Variants in CSMD1 observed in about 807,000 individuals in gnomAD.
The protein encoded by CSMD1 is CUB and sushi domain-containing protein 1.
CSMD1 carries 213 observed loss-of-function variants against 417.5 expected under a neutral mutation model. That is an observed-to-expected ratio of 0.51 (90% CI 0.46 to 0.57). The LOEUF (loss-of-function observed/expected upper bound fraction) is 0.57. CSMD1 is among the 20% of genes least tolerant of loss of function. CSMD1 has a pLI of 0.00. For missense variants in CSMD1, 6,923 were observed against 4,529.7 expected (o/e 1.53, Z -15.17); for synonymous variants, 2,862 against 1,736.8 (o/e 1.65, Z -16.11).
chr8:4,699,675 C>T (rs1428791020), intron 1 of CSMD1, among the ~76,000 whole-genome samples: 1 of 152,188 alleles, frequency 6.6e-6, no homozygotes, highest in Non-Finnish European at 1.5e-5. Context: ...ACAATGTCAT[C>T]ATCCGTACAT....
chr8:4,721,495 A>C (rs1035881755), intron 1 of CSMD1, among the ~76,000 whole-genome samples: 7 of 152,204 alleles, frequency 4.6e-5, no homozygotes, highest in Non-Finnish European at 1.0e-4. Context: ...AGGGATATAC[A>C]AATCAAAACT....
intron 3 of CSMD1, among the ~76,000 whole-genome samples, chr8:4,273,203 C>T (rs1025925590): frequency 2.6e-5 from 4 of 152,128 alleles, no homozygotes; most frequent in African/African-American, 7.2e-5. Flanking sequence ...GAAGAATATA[C>T]ACTTGAATGA....
chr8:3,771,910 G>GA (rs1162940596), intron 5 of CSMD1, among the ~76,000 whole-genome samples: 1 of 151,862 alleles, frequency 6.6e-6, no homozygotes, highest in Non-Finnish European at 1.5e-5. Context: ...ATGAGCAGGA[G>GA]AAAAATAGCC....
chr8:3,069,479 T>C (rs188330442), intron 49 of CSMD1, among the ~76,000 whole-genome samples: 109 of 151,882 alleles, frequency 7.2e-4, no homozygotes, highest in African/African-American at 2.5e-3. Context: ...ACATGCCCCA[T>C]TCAAGTTTGA....
rs776301288 is a variant in CSMD1 at position 4,518,273 on chromosome 8, G to A, written c.303-98208C>T. Among the ~76,000 whole-genome samples the A allele has an allele frequency of 3.9e-5, 6 of 151,994 alleles. No homozygotes were observed. In the East Asian group the frequency reaches 7.7e-4, roughly 20 times the overall value. On this transcript the variant is annotated intron_variant, in intron 2 of 69. Coordinates refer to ENST00000635120, the MANE Select transcript of CSMD1 (RefSeq NM_033225.6). ...CCACAGACACAAAACAGCAGCATCC[G>A]ACGCCCAGCAGCAGCAGCAGAGTGA...
chr8:3,475,286 CTG>C (rs1442324552), intron 11 of CSMD1, among the ~76,000 whole-genome samples: 1 of 151,952 alleles, frequency 6.6e-6, no homozygotes, highest in East Asian at 1.9e-4. Flanking sequence ...TCTGAGCTCT[CTG>C]GGTGCAATTT....
chr8:3,585,779 T>C lies in CSMD1; in HGVS notation c.1222+357A>G, dbSNP rs1232979944. Among the ~76,000 whole-genome samples the C allele has an allele frequency of 5.9e-5, 9 of 152,300 alleles. No individual in the cohort carries two copies. The South Asian group carries it at 1.7e-3, about 28-fold the overall frequency. On this transcript the variant is annotated intron_variant, in intron 9 of 69. Coordinates refer to ENST00000635120, the MANE Select transcript of CSMD1 (RefSeq NM_033225.6). ...CCTCACTGCAATAGGAAAGTGAACA[T>C]TTTTAGGTTTGCGGGGTGCACAGAA... is the stretch of plus-strand genomic sequence containing the variant.
chr8:4,066,582 G>C (rs914154802), intron 3 of CSMD1, among the ~76,000 whole-genome samples: 1 of 152,154 alleles, frequency 6.6e-6, no homozygotes. Flanking sequence ...GGTAATTGTA[G>C]TTCACGTGAT....
At chr8:3,937,112 G>A (rs1810550560) in intron 5 of CSMD1, among the ~76,000 whole-genome samples, 1 of 152,188 alleles carries the variant, frequency 6.6e-6, no homozygotes, top group African/African-American at 2.4e-5. Flanking sequence ...AGATCTTAAT[G>A]GACGAGGAGC....
intron 49 of CSMD1, among the ~76,000 whole-genome samples, chr8:3,059,879 G>A (rs1440050093): frequency 6.6e-6 from 1 of 152,080 alleles, no homozygotes; most frequent in Non-Finnish European, 1.5e-5. Context: ...TTTCTCAAAC[G>A]GGATTCACTT....
At chr8:4,713,280 TA>T (rs1808426290) in intron 1 of CSMD1, among the ~76,000 whole-genome samples, 1 of 152,262 alleles carries the variant, frequency 6.6e-6, no homozygotes, top group Non-Finnish European at 1.5e-5. Flanking sequence ...GAGTGTAGTT[TA>T]AGTTGGTTTT....
intron 18 of CSMD1, among the ~76,000 whole-genome samples, chr8:3,383,822 C>A (rs1307942963): frequency 6.6e-6 from 1 of 152,036 alleles, no homozygotes; most frequent in African/African-American, 2.4e-5. Flanking sequence ...CTCAGAACAA[C>A]TGAAATGTCA....
At chr8:4,343,935 TA>T (rs1800631066) in intron 3 of CSMD1, among the ~76,000 whole-genome samples, 1 of 152,122 alleles carries the variant, frequency 6.6e-6, no homozygotes, top group Non-Finnish European at 1.5e-5. Context: ...AGAAGTGTTT[TA>T]AAAATTATAA....
intron 18 of CSMD1, among the ~76,000 whole-genome samples, chr8:3,372,928 G>C (rs1810064364): frequency 6.6e-6 from 1 of 152,148 alleles, no homozygotes; most frequent in South Asian, 2.1e-4. Context: ...AGAGGACGGA[G>C]GAGTCCCGAA....
intron 11 of CSMD1, among the ~76,000 whole-genome samples, chr8:3,481,476 C>T (rs73174879): frequency 0.27 from 40,730 of 151,986 alleles, 6,227 homozygotes; most frequent in Non-Finnish European, 0.33. Context: ...GGTAAATGTT[C>T]GCATTAGTTG....
chr8:4,613,219 G>T (rs1224928712), intron 2 of CSMD1, among the ~76,000 whole-genome samples: 2 of 152,156 alleles, frequency 1.3e-5, no homozygotes, highest in Non-Finnish European at 2.9e-5. Flanking sequence ...AAAACAATTT[G>T]TTGAGTGTGT....
chr8:4,121,572 T>C (rs955068400), intron 3 of CSMD1, among the ~76,000 whole-genome samples: 2 of 145,912 alleles, frequency 1.4e-5, no homozygotes, highest in Non-Finnish European at 3.1e-5. Flanking sequence ...ATCAATCTTT[T>C]ATTTTTTTTT....
chr8:3,790,355 T>C (rs1187297183), intron 5 of CSMD1, among the ~76,000 whole-genome samples: 1 of 152,044 alleles, frequency 6.6e-6, no homozygotes, highest in African/African-American at 2.4e-5. Flanking sequence ...ATGATGATGG[T>C]GGTGATAGTG....
intron 3 of CSMD1, among the ~76,000 whole-genome samples, chr8:4,387,439 A>G (rs1198585898): frequency 6.6e-6 from 1 of 151,520 alleles, no homozygotes; most frequent in Non-Finnish European, 1.5e-5. Context: ...TTATGTCAAG[A>G]TATGCTTGGT....
Sources: gnomAD v4.1 joint callset for allele counts (sites outside exome capture counted in the v4.1 genomes callset) on GRCh38, gnomAD v4.1.1 for gene constraint, MANE v1.5 for transcripts, NCBI Gene and HGNC (gene_info 2026-07-23, HGNC 2026-07-21) for gene names.